Variants in MYO16 observed in about 807,000 individuals in gnomAD.
The protein encoded by MYO16 is unconventional myosin-XVI.
MYO16 carries 94 observed loss-of-function variants against 205.3 expected under a neutral mutation model. The observed-to-expected ratio is 0.46, with a 90% CI of 0.39 to 0.54. The LOEUF (loss-of-function observed/expected upper bound fraction) is 0.54. MYO16 is among the 20% of genes least tolerant of loss of function. The probability of loss-of-function intolerance (pLI) is 0.00; values close to 1 mark genes in which losing one functional copy is unlikely to be tolerated. For synonymous variants in MYO16, 988 were observed against 954.0 expected, an observed-to-expected ratio of 1.04 and a Z score of -0.66; for missense variants, 2,315 against 2,387.5, an observed-to-expected ratio of 0.97 and a Z score of 0.63.
upstream of MYO16, among the ~76,000 whole-genome samples, chr13:108,595,559 C>G (rs570921566): frequency 7.9e-5 from 12 of 152,304 alleles, no homozygotes; most frequent in East Asian, 2.3e-3. Context: ...ATACCCCAGG[C>G]AGTCGCTCCC....
chr13:108,845,257 A>G (rs1203560419), intron 10 of MYO16, among the ~76,000 whole-genome samples: 3 of 152,222 alleles, frequency 2.0e-5, no homozygotes, highest in Non-Finnish European at 4.4e-5. Context: ...ACTAAAGCAG[A>G]TAAACAAAAC....
chr13:108,975,279 T>A (rs1342177105), intron 20 of MYO16, among the ~76,000 whole-genome samples: 1 of 152,100 alleles, frequency 6.6e-6, no homozygotes, highest in Non-Finnish European at 1.5e-5. Context: ...GGCCCCCAAT[T>A]CCAGTCAGGT....
Position 109,083,928 on chromosome 13 carries a change from C to T in MYO16, c.3336-16857C>T, listed in dbSNP as rs184505328. On this transcript the variant is annotated intron_variant, in intron 27 of 34. Transcript: ENST00000457511. ...CTATTCTGTAATATAGATCTGTGGT[C>T]GTATGCAGTATGTATCTTTCTATTG... Among the ~76,000 whole-genome samples the T allele has an allele frequency of 2.4e-3, 369 of 152,176 alleles. 1 individual carries two copies. Among genetic ancestry groups the T allele is most frequent in the Middle Eastern group, 0.024 (7 of 294 alleles).
intron 12 of MYO16, among the ~76,000 whole-genome samples, chr13:108,868,143 A>G (rs1878818236): frequency 6.6e-6 from 1 of 152,120 alleles, no homozygotes; most frequent in Admixed American, 6.5e-5. Context: ...TTTTGATAAC[A>G]TATGTATTTC....
rs575789424 is a variant in MYO16 at position 108,686,803 on chromosome 13, G to A, written c.292+20654G>A. 7.7e-4 allele frequency among the ~76,000 whole-genome samples: 117 copies of A among 152,364 alleles called. 1 individual carries two copies. The highest frequency in any genetic ancestry group is 1.0e-3 in the Non-Finnish European group (70 of 68,040). On this transcript the variant is annotated intron_variant, in intron 2 of 34. Coordinates refer to ENST00000457511, the MANE Select transcript of MYO16 (RefSeq NM_001198950.3). The stretch of plus-strand genomic sequence containing the variant: ...TCGATCTGGATGTTCAGCGGCCTGA[G>A]GACAATGCCGCAGCAGTGGGAAGAG...
At position 109,113,666 on chromosome 13, in the gene MYO16, C is replaced by T. The variant is rs569707626; in HGVS notation, c.3439-6704C>T. Among the ~76,000 whole-genome samples, 5 of 152,230 alleles carry T rather than the reference C, an allele frequency of 3.3e-5. No homozygotes were observed. In the South Asian group the frequency reaches 8.3e-4, roughly 25 times the overall value. On this transcript the variant is annotated intron_variant, in intron 28 of 34. Coordinates refer to ENST00000457511, the MANE Select transcript of MYO16 (RefSeq NM_001198950.3). Reference sequence around the variant, plus strand: ...GACTGGGAGAAAAGCTGTAAACATACTTAGGTGATGCTTGGGGTTCTGGCT... The same window carrying T: ...GACTGGGAGAAAAGCTGTAAACATATTTAGGTGATGCTTGGGGTTCTGGCT...
intron 31 of MYO16, among the ~76,000 whole-genome samples, chr13:109,128,988 T>A (rs1594109564): frequency 6.6e-6 from 1 of 151,856 alleles, no homozygotes; most frequent in Non-Finnish European, 1.5e-5. Flanking sequence ...GCCAGGCTGG[T>A]CTTGAACTCC....
chr13:108,620,154 T>G lies in MYO16; in HGVS notation c.-39+23915T>G, dbSNP rs116893245. ...TGATTCTTAAATGAATCGATGCCTA[T>G]GAAGATATTAGAATAATGCTTACCA... On this transcript the variant is annotated intron_variant, in intron 1 of 24. Coordinates refer to the MYO16 transcript ENST00000251041. Among the ~76,000 whole-genome samples the G allele has an allele frequency of 2.8e-3, 422 of 152,304 alleles. 2 individuals carry two copies. The highest frequency in any genetic ancestry group is 4.8e-3 in the Non-Finnish European group (328 of 68,016).
chr13:108,989,481 G>C (rs1884747367), intron 20 of MYO16, among the ~76,000 whole-genome samples: 1 of 152,028 alleles, frequency 6.6e-6, no homozygotes, highest in Non-Finnish European at 1.5e-5. Context: ...TATAATTGGG[G>C]TTATTCTTTA....
the MYO16 span, among the ~76,000 whole-genome samples, chr13:108,559,369 C>T: frequency 6.6e-6 from 1 of 152,024 alleles, no homozygotes. Context: ...GCCCTGCCAA[C>T]ACCTTGACTT....
At chr13:108,944,632 G>A (rs981694611) in intron 16 of MYO16, among the ~76,000 whole-genome samples, 10 of 151,994 alleles carry the variant, frequency 6.6e-5, no homozygotes, top group Non-Finnish European at 2.9e-5. Context: ...CAGAAAATTG[G>A]GTGGAAAGAT....
intron 2 of MYO16, among the ~76,000 whole-genome samples, chr13:108,700,867 A>G (rs1000273405): frequency 6.6e-6 from 1 of 152,148 alleles, no homozygotes; most frequent in Non-Finnish European, 1.5e-5. Context: ...GGGTATGCTC[A>G]TAAGATACCT....
chr13:108,785,829 A>G, intron 5 of MYO16, 86 bp downstream of exon 5: 1 of 872,652 alleles, frequency 1.1e-6, no homozygotes, highest in South Asian at 1.7e-5. Context: ...TGCTTACATG[A>G]TTTCCGATGG....
intron 1 of MYO16, among the ~76,000 whole-genome samples, chr13:108,623,260 A>G (rs1202670001): frequency 6.6e-6 from 1 of 152,196 alleles, no homozygotes; most frequent in African/African-American, 2.4e-5. Context: ...ACTTATCCAA[A>G]AGGCCTGAGA....
chr13:108,757,232 G>A (rs1393427990), intron 4 of MYO16, among the ~76,000 whole-genome samples: 1 of 152,186 alleles, frequency 6.6e-6, no homozygotes, highest in Non-Finnish European at 1.5e-5. Context: ...AAAATTCTGA[G>A]AGAAATGTAT....
intron 4 of MYO16, among the ~76,000 whole-genome samples, chr13:108,742,082 C>T (rs909236688): frequency 6.6e-5 from 10 of 152,052 alleles, no homozygotes; most frequent in African/African-American, 2.4e-4. Flanking sequence ...AACCTCCGTC[C>T]CCAGGGTACA....
chr13:108,631,482 A>G (rs968970278), intron 1 of MYO16, among the ~76,000 whole-genome samples: 5 of 152,198 alleles, frequency 3.3e-5, no homozygotes, highest in Non-Finnish European at 7.3e-5. Context: ...AGCCTGTGAG[A>G]TATTTCTTTT....
rs532349969 is a variant in MYO16, at chr13:109,148,448, G to A, written c.5164+7072G>A. On this transcript the variant is annotated intron_variant, in intron 32 of 34. Transcript: ENST00000457511. ...TAAGCATGTACTTAATGTAAGCACA[G>A]GGATTGCTACTGGAAATCCAAAACA... 2.0e-5 allele frequency among the ~76,000 whole-genome samples: 3 copies of A among 152,352 alleles called. No individual in the cohort carries two copies. In the South Asian group the frequency reaches 6.2e-4, roughly 32 times the overall value.
chr13:109,169,638 GAACT>G (rs1252758364), intron 33 of MYO16, among the ~76,000 whole-genome samples: 4 of 143,052 alleles, frequency 2.8e-5, no homozygotes, highest in South Asian at 2.2e-4. Flanking sequence ...AAAAAAAAAA[GAACT>G]AACGAAAATG....
Sources: gnomAD v4.1 joint callset for allele counts (sites outside exome capture counted in the v4.1 genomes callset) on GRCh38, gnomAD v4.1.1 for gene constraint, MANE v1.5 for transcripts, NCBI Gene and HGNC (gene_info 2026-07-23, HGNC 2026-07-21) for gene names.